ACTR3C: variants seen among roughly 807,000 people sequenced by gnomAD.
The protein encoded by ACTR3C is actin-related protein 3C.
ACTR3C carries 18 observed loss-of-function variants against 26.3 expected under a neutral mutation model. The observed-to-expected ratio is 0.68, with a 90% CI of 0.47 to 1.01. The LOEUF is 1.01. Among genes scored for constraint, ACTR3C ranks in the 50% least tolerant of loss-of-function variants. The pLI, the probability that ACTR3C is intolerant of heterozygous loss-of-function variation, is 0.00. For missense variants in ACTR3C, 184 were observed against 250.7 expected (o/e 0.73, Z 1.80); for synonymous variants, 55 against 94.5 (o/e 0.58, Z 2.42).
intron 1 of ACTR3C, among the ~76,000 whole-genome samples, chr7:150,299,464 CA>C (rs759969034): frequency 0.036 from 514 of 14,102 alleles, no homozygotes; most frequent in Middle Eastern, 0.071. Context: ...GACCCCCTCT[CA>C]AAAAAAAAAA....
At chr7:150,003,437 T>A in the ACTR3C span, among the ~76,000 whole-genome samples, 1 of 152,250 alleles carries the variant, frequency 6.6e-6, no homozygotes, top group African/African-American at 2.4e-5. Flanking sequence ...ATGTGGTGTA[T>A]GTGGTACTGT....
At chr7:150,188,383 T>G in the ACTR3C span, among the ~76,000 whole-genome samples, 1 of 151,528 alleles carries the variant, frequency 6.6e-6, no homozygotes, top group Non-Finnish European at 1.5e-5. Flanking sequence ...TTCAGTTGTT[T>G]CATTTGGAAT....
the ACTR3C span, among the ~76,000 whole-genome samples, chr7:150,138,427 T>C: frequency 0.15 from 23,230 of 151,616 alleles, 3,060 homozygotes; most frequent in African/African-American, 0.37. Context: ...AATAGGCCAT[T>C]GGAGCACAAA....
the ACTR3C span, among the ~76,000 whole-genome samples, chr7:150,149,524 G>T: frequency 8.2e-6 from 1 of 121,760 alleles, no homozygotes; most frequent in Non-Finnish European, 1.6e-5. Flanking sequence ...GCCCTGGTGT[G>T]TGATGTTCCC....
At chr7:150,261,551 A>T (rs1007770868) in intron 6 of ACTR3C, among the ~76,000 whole-genome samples, 1 of 152,264 alleles carries the variant, frequency 6.6e-6, no homozygotes, top group African/African-American at 2.4e-5. Context: ...AAACACAAAA[A>T]ATTAGCAGGG....
At chr7:150,207,057 G>A in the ACTR3C span, among the ~76,000 whole-genome samples, 40 of 152,302 alleles carry the variant, frequency 2.6e-4, no homozygotes, top group Admixed American at 8.5e-4. Flanking sequence ...TGTAATAACT[G>A]TCTATTAAAA....
chr7:149,976,112 C>G, the ACTR3C span, among the ~76,000 whole-genome samples: 1 of 152,204 alleles, frequency 6.6e-6, no homozygotes. Flanking sequence ...CTCATGTGTA[C>G]TGTTTCTAAT....
At chr7:150,252,857 T>C (rs1434131153) in intron 6 of ACTR3C, among the ~76,000 whole-genome samples, 1 of 152,210 alleles carries the variant, frequency 6.6e-6, no homozygotes. Flanking sequence ...TGTGTGTTTA[T>C]TGTTTTTATT....
chr7:150,162,715 A>G, the ACTR3C span, among the ~76,000 whole-genome samples: 24 of 152,332 alleles, frequency 1.6e-4, no homozygotes, highest in East Asian at 4.6e-3. Context: ...ATGTATATCT[A>G]CAAGCAATGG....
the ACTR3C span, among the ~76,000 whole-genome samples, chr7:150,163,411 TAC>T: frequency 6.6e-6 from 1 of 151,598 alleles, no homozygotes; most frequent in Non-Finnish European, 1.5e-5. Flanking sequence ...TGTATACACA[TAC>T]ACACTTATCT....
chr7:150,163,271 G>A, the ACTR3C span, among the ~76,000 whole-genome samples: 4 of 152,164 alleles, frequency 2.6e-5, no homozygotes, highest in East Asian at 7.7e-4. Flanking sequence ...TGGGGAGTAA[G>A]GAGTACAGAT....
At chr7:149,929,938 G>A in the ACTR3C span, among the ~76,000 whole-genome samples, 69 of 152,296 alleles carry the variant, frequency 4.5e-4, no homozygotes, top group Admixed American at 2.4e-3. Context: ...AGTGAGGCGC[G>A]TCCCTATCTT....
At chr7:150,298,762 G>A (rs1161849287) in intron 1 of ACTR3C, among the ~76,000 whole-genome samples, 3 of 146,392 alleles carry the variant, frequency 2.0e-5, no homozygotes, top group African/African-American at 7.7e-5. Flanking sequence ...CTAAAACAAA[G>A]TAGCTTGGAA....
intron 6 of ACTR3C, chr7:150,264,976 C>G: frequency 1.4e-6 from 1 of 691,142 alleles, no homozygotes; most frequent in Non-Finnish European, 1.8e-6. Flanking sequence ...GTAACTCCAC[C>G]TTCTTAAGAC....
chr7:150,065,642 G>T, the ACTR3C span, among the ~76,000 whole-genome samples: 1 of 151,888 alleles, frequency 6.6e-6, no homozygotes, highest in African/African-American at 2.4e-5. Flanking sequence ...GTGCCTCAGG[G>T]TCGGATGGGG....
chr7:150,267,688 A>C (rs956013126), intron 6 of ACTR3C, among the ~76,000 whole-genome samples: 4 of 152,238 alleles, frequency 2.6e-5, no homozygotes, highest in African/African-American at 9.6e-5. Context: ...GGAAAAAAAG[A>C]TCATATACAG....
intron 6 of ACTR3C, among the ~76,000 whole-genome samples, chr7:150,275,984 G>A (rs1360126159): frequency 4.6e-5 from 7 of 151,918 alleles, no homozygotes; most frequent in East Asian, 3.9e-4. Context: ...TCAATAGCCC[G>A]CAACCTTACC....
the ACTR3C span, among the ~76,000 whole-genome samples, chr7:150,184,925 TTC>T: frequency 2.0e-5 from 3 of 149,840 alleles, no homozygotes; most frequent in Non-Finnish European, 4.4e-5. Context: ...ACTAAATGGA[TTC>T]TGTTATTCTA....
chr7:150,130,466 T>C, the ACTR3C span, among the ~76,000 whole-genome samples: 1 of 152,184 alleles, frequency 6.6e-6, no homozygotes, highest in African/African-American at 2.4e-5. Flanking sequence ...AATTCAATAA[T>C]AGGAAGGCAA....
Sources: gnomAD v4.1 joint callset for allele counts (sites outside exome capture counted in the v4.1 genomes callset) on GRCh38, gnomAD v4.1.1 for gene constraint, MANE v1.5 for transcripts, NCBI Gene and HGNC (gene_info 2026-07-23, HGNC 2026-07-21) for gene names.